The following LDAH variants were observed in gnomAD, a reference collection of about 807,000 sequenced individuals.
The protein encoded by LDAH is lipid droplet associated hydrolase.
In LDAH, 26 loss-of-function variants were observed where a neutral mutation model predicts 29.6. The observed-to-expected ratio is 0.88, with a 90% CI of 0.64 to 1.22. The LOEUF (loss-of-function observed/expected upper bound fraction) is 1.22. Among genes scored for constraint, LDAH ranks in the 50% most tolerant of loss-of-function variants. LDAH has a pLI of 0.00. For missense variants in LDAH, 344 were observed against 387.3 expected (o/e 0.89, Z 0.94); for synonymous variants, 117 against 133.0 (o/e 0.88, Z 0.83).
intron 5 of LDAH, among the ~76,000 whole-genome samples, chr2:20,720,873 A>G (rs1665597755): frequency 6.6e-6 from 1 of 152,140 alleles, no homozygotes; most frequent in South Asian, 2.1e-4. Flanking sequence ...CACTAAGAAC[A>G]CACATTGGGG....
intron 4 of LDAH, among the ~76,000 whole-genome samples, chr2:20,771,269 G>C (rs1046691153): frequency 1.3e-5 from 2 of 152,028 alleles, no homozygotes; most frequent in Non-Finnish European, 1.5e-5. Flanking sequence ...ATATTACAAA[G>C]AGCTGAACCA....
chr2:20,750,023 CTTTT>C (rs147397062), intron 4 of LDAH, among the ~76,000 whole-genome samples: 4,429 of 127,090 alleles, frequency 0.035, 98 homozygotes, highest in Middle Eastern at 0.056. Context: ...CCTTACTAAA[CTTTT>C]TTTTTTTTTT....
At chr2:20,690,677 G>A (rs1273054635) in intron 6 of LDAH, among the ~76,000 whole-genome samples, 4 of 152,144 alleles carry the variant, frequency 2.6e-5, no homozygotes, top group African/African-American at 7.2e-5. Context: ...AGTATGGAGT[G>A]TGTGGTGGCA....
chr2:20,773,064 G>C (rs575090687), intron 4 of LDAH, among the ~76,000 whole-genome samples: 3 of 152,194 alleles, frequency 2.0e-5, no homozygotes, highest in Non-Finnish European at 4.4e-5. Flanking sequence ...TTGATACACA[G>C]CAATAGATAC....
intron 4 of LDAH, among the ~76,000 whole-genome samples, chr2:20,745,813 T>C (rs558385651): frequency 3.3e-5 from 5 of 152,218 alleles, no homozygotes; most frequent in Non-Finnish European, 5.9e-5. Context: ...TGTATGATGG[T>C]AGTAAGTCAC....
At chr2:20,757,991 A>G (rs561309428) in intron 4 of LDAH, among the ~76,000 whole-genome samples, 3 of 152,294 alleles carry the variant, frequency 2.0e-5, no homozygotes, top group South Asian at 4.2e-4. Context: ...CCCCATAAAC[A>G]TGTGAGCCAA....
In LDAH at chr2:20,757,831, C is replaced by T. The variant is rs568004999; in HGVS notation, c.468+16979G>A. ...CTTCAGACTCAAAATGAAACATCAG[C>T]TCTTCCTGGGTCCTGAGGCTGCCAG... On this transcript the variant is annotated intron_variant, in intron 4 of 6. Coordinates refer to ENST00000237822, the MANE Select transcript of LDAH (RefSeq NM_021925.4). Among the ~76,000 whole-genome samples, 9 of 152,142 alleles carry T rather than the reference C, an allele frequency of 5.9e-5. No homozygotes were observed. The South Asian group carries it at 1.5e-3, about 25-fold the overall frequency.
intron 1 of LDAH, among the ~76,000 whole-genome samples, chr2:20,819,794 T>C (rs1188771122): frequency 2.0e-5 from 3 of 152,132 alleles, no homozygotes; most frequent in Admixed American, 6.6e-5. Context: ...AAATAAAGGG[T>C]ATTCAATTAG....
intron 5 of LDAH, among the ~76,000 whole-genome samples, chr2:20,727,933 C>G (rs1666128300): frequency 1.3e-5 from 2 of 152,216 alleles, no homozygotes; most frequent in South Asian, 4.1e-4. Context: ...TAGGAAATGA[C>G]ATTTCACTCA....
intron 4 of LDAH, among the ~76,000 whole-genome samples, chr2:20,763,965 ATTT>A (rs11337098): frequency 1.4e-4 from 21 of 149,076 alleles, no homozygotes; most frequent in East Asian, 7.8e-4. Flanking sequence ...CCCAAAGGTG[ATTT>A]TTTTTTTTTT....
chr2:20,814,064 T>C (rs582107), intron 1 of LDAH, among the ~76,000 whole-genome samples: 10,986 of 152,218 alleles, frequency 0.072, 1,325 homozygotes, highest in African/African-American at 0.25. Context: ...GATCCAACTT[T>C]ATTTTCTTTC....
chr2:20,788,409 G>T (rs560612359), intron 3 of LDAH, among the ~76,000 whole-genome samples: 1 of 152,132 alleles, frequency 6.6e-6, no homozygotes, highest in African/African-American at 2.4e-5. Context: ...ACAAAAAATT[G>T]TATCTGATAT....
chr2:20,821,886 C>A (rs1673340177), intron 1 of LDAH, among the ~76,000 whole-genome samples: 1 of 152,146 alleles, frequency 6.6e-6, no homozygotes, highest in Non-Finnish European at 1.5e-5. Flanking sequence ...CCCTGATTAT[C>A]CCCCTAGAAT....
Position 20,685,771 on chromosome 2 carries a change from G to GTCCAAGGCATGTGCTA in LDAH, c.*1131_*1132insTAGCACATGCCTTGGA. 7.9e-7 allele frequency: 1 copy of GTCCAAGGCATGTGCTA among 1,263,394 alleles called. No individual in the cohort carries two copies. The highest frequency in any genetic ancestry group is 1.1e-6 in the Non-Finnish European group (1 of 936,350). 78.3% of individuals were successfully genotyped at this position (1,263,394 alleles called of 1,614,324 possible). On this transcript the variant is annotated 3_prime_UTR_variant, in exon 7 of 7. Transcript: ENST00000237822. Reference sequence around the variant, plus strand: ...AATATTGTCAGCCCACTCTAGGCCAGGGAATATGTGTCTTCTCTGCCATAC... The same window carrying GTCCAAGGCATGTGCTA: ...AATATTGTCAGCCCACTCTAGGCCAGTCCAAGGCATGTGCTAGGAATATGTGTCTTCTCTGCCATAC...
intron 2 of LDAH, among the ~76,000 whole-genome samples, chr2:20,796,862 C>G (rs774173529): frequency 6.6e-6 from 1 of 152,182 alleles, no homozygotes; most frequent in African/African-American, 2.4e-5. Flanking sequence ...GGTCTCAACT[C>G]TCAACAGAAA....
At chr2:20,778,241 T>A (rs1192786001) in intron 3 of LDAH, among the ~76,000 whole-genome samples, 1 of 152,204 alleles carries the variant, frequency 6.6e-6, no homozygotes, top group African/African-American at 2.4e-5. Context: ...AATTTTCTCT[T>A]AGAACCTGAG....
chr2:20,778,348 T>C (rs1271042504), intron 3 of LDAH, among the ~76,000 whole-genome samples: 3 of 152,192 alleles, frequency 2.0e-5, no homozygotes, highest in Non-Finnish European at 4.4e-5. Flanking sequence ...TGTTCTGAAA[T>C]AGTTAGTAGA....
intron 2 of LDAH, among the ~76,000 whole-genome samples, chr2:20,793,766 G>C (rs1312657891): frequency 7.0e-6 from 1 of 142,358 alleles, no homozygotes; most frequent in Non-Finnish European, 1.5e-5. Context: ...TAGCAACTTA[G>C]ATAAAATAAA....
At chr2:20,794,979 AC>A (rs1288973703) in intron 2 of LDAH, among the ~76,000 whole-genome samples, 1 of 152,220 alleles carries the variant, frequency 6.6e-6, no homozygotes. Flanking sequence ...TTGTTAAGAA[AC>A]CACAAAGAAA....
Sources: allele counts gnomAD v4.1 joint callset (sites outside exome capture counted in the v4.1 genomes callset), GRCh38; gene constraint gnomAD v4.1.1; transcripts MANE v1.5; gene names NCBI Gene and HGNC (gene_info 2026-07-23, HGNC 2026-07-21).